The following TASP1 variants were observed in gnomAD, a reference collection of about 807,000 sequenced individuals.
The protein encoded by TASP1 is threonine aspartase 1.
A neutral mutation model predicts 56.6 loss-of-function variants in TASP1; 16 were observed. That is an observed-to-expected ratio of 0.28 (90% CI 0.19 to 0.43). TASP1 has a LOEUF of 0.43. Ranked by LOEUF, TASP1 falls within the 20% of genes least tolerant of loss-of-function variation. The pLI, the probability that TASP1 is intolerant of heterozygous loss-of-function variation, is 1.00. For missense variants in TASP1, 393 were observed against 511.6 expected (o/e 0.77, Z 2.24); for synonymous variants, 179 against 184.2 (o/e 0.97, Z 0.23).
At chr20:13,259,196 G>A in the TASP1 span, among the ~76,000 whole-genome samples, 7 of 151,492 alleles carry the variant, frequency 4.6e-5, no homozygotes, top group Admixed American at 1.3e-4. Flanking sequence ...CAGGAGAATC[G>A]CTTGAACCCA....
the TASP1 span, among the ~76,000 whole-genome samples, chr20:13,136,616 T>G: frequency 7.2e-6 from 1 of 139,236 alleles, no homozygotes. Flanking sequence ...TATATATATA[T>G]ATAATATACA....
At chr20:13,416,259 A>G (rs948264248) in intron 13 of TASP1, among the ~76,000 whole-genome samples, 3 of 152,230 alleles carry the variant, frequency 2.0e-5, no homozygotes, top group Admixed American at 2.0e-4. Flanking sequence ...CACCTTTAAA[A>G]TGGACAATTA....
At chr20:13,181,581 A>G in the TASP1 span, among the ~76,000 whole-genome samples, 2 of 152,198 alleles carry the variant, frequency 1.3e-5, no homozygotes, top group Non-Finnish European at 2.9e-5. Context: ...TTTCCACTGG[A>G]ATGTCTTGAC....
At chr20:13,413,858 T>C (rs982979368) in intron 13 of TASP1, among the ~76,000 whole-genome samples, 5 of 152,204 alleles carry the variant, frequency 3.3e-5, no homozygotes, top group African/African-American at 1.2e-4. Flanking sequence ...CATCCATTCA[T>C]CCACATAATA....
chr20:13,268,183 T>C, the TASP1 span, among the ~76,000 whole-genome samples: 912 of 148,756 alleles, frequency 6.1e-3, 11 homozygotes, highest in African/African-American at 0.019. Context: ...CCTCTCCTCT[T>C]CTCTTCACTT....
intron 4 of TASP1, among the ~76,000 whole-genome samples, chr20:13,600,176 T>A (rs1253648671): frequency 6.6e-6 from 1 of 152,148 alleles, no homozygotes; most frequent in Non-Finnish European, 1.5e-5. Context: ...AACTGGAAAA[T>A]TCAGTATTAT....
At chr20:13,596,535 T>G (rs2047739095) in intron 4 of TASP1, among the ~76,000 whole-genome samples, 1 of 152,204 alleles carries the variant, frequency 6.6e-6, no homozygotes, top group Non-Finnish European at 1.5e-5. Context: ...TAAAGCAGTG[T>G]GTAGACGGAA....
chr20:13,222,510 G>T, the TASP1 span, among the ~76,000 whole-genome samples: 2 of 151,952 alleles, frequency 1.3e-5, no homozygotes, highest in Admixed American at 1.3e-4. Flanking sequence ...CTCCCCCCTT[G>T]TGCCCCCTTG....
chr20:13,483,955 T>C (rs2043231062), intron 10 of TASP1, among the ~76,000 whole-genome samples: 1 of 151,914 alleles, frequency 6.6e-6, no homozygotes, highest in Non-Finnish European at 1.5e-5. Flanking sequence ...CTCAAACAAA[T>C]TTACAAGAAA....
chr20:13,245,388 T>G, the TASP1 span: 1 of 152,218 alleles, frequency 6.6e-6, no homozygotes, highest in African/African-American at 2.4e-5. Context: ...AAAAAGAGTA[T>G]GAGCAAGACA....
the TASP1 span, among the ~76,000 whole-genome samples, chr20:13,236,764 G>A: frequency 7.2e-4 from 109 of 152,300 alleles, no homozygotes; most frequent in African/African-American, 2.4e-3. Flanking sequence ...ATCCAGCAGG[G>A]CAGTTAAATT....
the TASP1 span, chr20:13,221,673 G>A: frequency 6.8e-6 from 7 of 1,029,220 alleles, no homozygotes; most frequent in Non-Finnish European, 7.4e-6. Context: ...GCCGAGGCGG[G>A]AGCCGCGCTG....
At chr20:13,422,831 T>C (rs1027316835) in intron 12 of TASP1, among the ~76,000 whole-genome samples, 1 of 152,126 alleles carries the variant, frequency 6.6e-6, no homozygotes, top group Non-Finnish European at 1.5e-5. Context: ...GCACATGAGG[T>C]GACTCAAAAT....
At chr20:13,385,395 A>T (rs1031365411), downstream of TASP1, among the ~76,000 whole-genome samples, 1 of 152,196 alleles carries the variant, frequency 6.6e-6, no homozygotes, top group African/African-American at 2.4e-5. Flanking sequence ...TTAGTTGCGA[A>T]CTTCACAAAC....
intron 10 of TASP1, among the ~76,000 whole-genome samples, chr20:13,505,145 C>A (rs571649468): frequency 1.7e-4 from 26 of 151,928 alleles, no homozygotes; most frequent in Non-Finnish European, 3.2e-4. Context: ...ACAAAGTAGA[C>A]TTCAAGTCAA....
At chr20:13,265,171 C>T in the TASP1 span, among the ~76,000 whole-genome samples, 1 of 152,196 alleles carries the variant, frequency 6.6e-6, no homozygotes, top group Non-Finnish European at 1.5e-5. Context: ...TCTGTCAGAC[C>T]TGAGAGACTC....
At chr20:13,211,663 T>G in the TASP1 span, among the ~76,000 whole-genome samples, 1 of 152,068 alleles carries the variant, frequency 6.6e-6, no homozygotes, top group African/African-American at 2.4e-5. Flanking sequence ...ATAATCATAA[T>G]GAGAGAGCCA....
intron 11 of TASP1, among the ~76,000 whole-genome samples, chr20:13,449,240 G>A (rs933794506): frequency 1.3e-5 from 2 of 152,054 alleles, no homozygotes; most frequent in Non-Finnish European, 2.9e-5. Flanking sequence ...ATGCAGGTGA[G>A]CAACTTGGGG....
the TASP1 span, chr20:13,126,822 A>G: frequency 7.1e-7 from 1 of 1,410,112 alleles, no homozygotes; most frequent in Admixed American, 2.4e-5. Context: ...ATAGAACCCT[A>G]TTTGTAAATC....
Sources: gnomAD v4.1 joint callset for allele counts (sites outside exome capture counted in the v4.1 genomes callset) on GRCh38, gnomAD v4.1.1 for gene constraint, MANE v1.5 for transcripts, NCBI Gene and HGNC (gene_info 2026-07-23, HGNC 2026-07-21) for gene names.